Variants in RIN2 observed in about 807,000 individuals in gnomAD.
The protein encoded by RIN2 is Ras and Rab interactor 2.
In RIN2, 36 loss-of-function variants were observed where a neutral mutation model predicts 78.0. That is an observed-to-expected ratio of 0.46 (90% CI 0.35 to 0.61). RIN2 has a LOEUF of 0.61. Ranked by LOEUF, RIN2 falls within the 20% of genes least tolerant of loss-of-function variation. The pLI is 0.00. For missense variants in RIN2, 1,087 were observed against 1,159.7 expected (o/e 0.94, Z 0.91); for synonymous variants, 466 against 466.8 (o/e 1.00, Z 0.02).
At chr20:19,856,207 C>T (rs546582075) in intron 2 of RIN2, among the ~76,000 whole-genome samples, 57 of 152,018 alleles carry the variant, frequency 3.7e-4, no homozygotes, top group African/African-American at 1.2e-3. Context: ...CCTTGTAATG[C>T]GCATGGGAAA....
At chr20:19,868,523 C>A (rs570269379) in intron 2 of RIN2, among the ~76,000 whole-genome samples, 1 of 152,142 alleles carries the variant, frequency 6.6e-6, no homozygotes, top group Non-Finnish European at 1.5e-5. Flanking sequence ...CCAGGAAACA[C>A]GTGAAATGAG....
chr20:19,988,551 C>T (rs1425026615), intron 9 of RIN2, among the ~76,000 whole-genome samples: 3 of 152,110 alleles, frequency 2.0e-5, no homozygotes, highest in African/African-American at 4.8e-5. Context: ...AATGTGCAAA[C>T]GTGTGAGGTC....
At chr20:19,918,174 G>C (rs2039761108) in intron 3 of RIN2, among the ~76,000 whole-genome samples, 1 of 152,130 alleles carries the variant, frequency 6.6e-6, no homozygotes, top group Non-Finnish European at 1.5e-5. Context: ...GGGACACCAA[G>C]TTAGAGCCAG....
At position 19,892,983 on chromosome 20, in the gene RIN2, C is replaced by A. The variant is rs193026584; in HGVS notation, c.57+3325C>A. Among the ~76,000 whole-genome samples, 5 of 152,264 alleles carry A rather than the reference C, an allele frequency of 3.3e-5. No individual in the cohort carries two copies. The East Asian group carries it at 9.6e-4, about 29-fold the overall frequency. ...TGTACGTGGCCAGGGAGAGAAAAAG[C>A]AGAAGCCACCCCTAACCTCATGGAG... On this transcript the variant is annotated intron_variant, in intron 3 of 12. Transcript: ENST00000255006.
intron 2 of RIN2, among the ~76,000 whole-genome samples, chr20:19,807,213 T>G (rs960899904): frequency 6.6e-6 from 1 of 152,236 alleles, no homozygotes; most frequent in Non-Finnish European, 1.5e-5. Flanking sequence ...CCAAAGCAAG[T>G]CACATGGCCA....
In RIN2 at chr20:19,916,008, G is replaced by A. The variant is rs186726931; in HGVS notation, c.58-19091G>A. 5.4e-4 allele frequency among the ~76,000 whole-genome samples: 82 copies of A among 152,230 alleles called. No individual in the cohort carries two copies. The East Asian group carries it at 0.015, about 29-fold the overall frequency. ...TGTAATCCCAGCACTTTGGGAGGCCGAGGCGAGTGGATCACGAGGTCAAGA... is the reference window on the plus strand; with the variant it reads ...TGTAATCCCAGCACTTTGGGAGGCCAAGGCGAGTGGATCACGAGGTCAAGA... On this transcript the variant is annotated intron_variant, in intron 3 of 12. Coordinates refer to ENST00000255006, the MANE Select transcript of RIN2 (RefSeq NM_018993.4).
chr20:19,904,469 C>G (rs1207430281), intron 3 of RIN2, among the ~76,000 whole-genome samples: 3 of 151,916 alleles, frequency 2.0e-5, no homozygotes, highest in Non-Finnish European at 4.4e-5. Context: ...AGGGGCAGGG[C>G]TACTCACATT....
intron 2 of RIN2, among the ~76,000 whole-genome samples, chr20:19,858,928 G>A (rs1045119099): frequency 1.7e-4 from 26 of 152,318 alleles, no homozygotes; most frequent in Non-Finnish European, 2.9e-4. Context: ...GGGAGAAGGC[G>A]GGACTGCTGC....
chr20:19,833,291 A>G (rs1161980361), intron 2 of RIN2, among the ~76,000 whole-genome samples: 1 of 152,072 alleles, frequency 6.6e-6, no homozygotes, highest in African/African-American at 2.4e-5. Flanking sequence ...GGTTATATAT[A>G]TATATTTTAA....
intron 3 of RIN2, among the ~76,000 whole-genome samples, chr20:19,909,016 C>T (rs979694020): frequency 6.6e-6 from 1 of 152,280 alleles, no homozygotes; most frequent in Admixed American, 6.5e-5. Flanking sequence ...AGACGCCCAC[C>T]GCCACTCCCA....
chr20:19,780,683 G>A (rs1337696104), intron 1 of RIN2, among the ~76,000 whole-genome samples: 1 of 152,212 alleles, frequency 6.6e-6, no homozygotes, highest in African/African-American at 2.4e-5. Flanking sequence ...GAGCTAGGTG[G>A]CCTCTGTTGC....
chr20:19,847,076 A>G (rs1298747160), intron 2 of RIN2, among the ~76,000 whole-genome samples: 1 of 152,226 alleles, frequency 6.6e-6, no homozygotes, highest in Non-Finnish European at 1.5e-5. Context: ...TATTGGGCAG[A>G]CCAAAATTAA....
chr20:19,940,100 C>T (rs900602101), intron 4 of RIN2, among the ~76,000 whole-genome samples: 2 of 152,130 alleles, frequency 1.3e-5, no homozygotes, highest in African/African-American at 4.8e-5. Flanking sequence ...AATCCGCCCG[C>T]CTTGACCTCC....
At chr20:19,776,639 G>A (rs2034320657) in intron 1 of RIN2, among the ~76,000 whole-genome samples, 1 of 151,884 alleles carries the variant, frequency 6.6e-6, no homozygotes, top group Admixed American at 6.6e-5. Context: ...GGCTGAGGTG[G>A]AAGAATTGCT....
intron 3 of RIN2, among the ~76,000 whole-genome samples, chr20:19,919,149 A>T (rs918413087): frequency 7.2e-5 from 11 of 152,226 alleles, no homozygotes; most frequent in Admixed American, 2.0e-4. Flanking sequence ...CAGCTGGGGG[A>T]TGACAGATGC....
At chr20:19,810,384 G>A (rs2035550711) in intron 2 of RIN2, among the ~76,000 whole-genome samples, 1 of 152,114 alleles carries the variant, frequency 6.6e-6, no homozygotes. Flanking sequence ...CTCCACCCTG[G>A]GTGACAGAGT....
chr20:19,812,740 T>G lies in RIN2; in HGVS notation c.-37+12993T>G, dbSNP rs541407430. Among the ~76,000 whole-genome samples the G allele has an allele frequency of 6.6e-4, 101 of 152,300 alleles. 2 individuals are homozygous for G. Among genetic ancestry groups the G allele is most frequent in the African/African-American group, 2.4e-3 (99 of 41,570 alleles). Reference sequence around the variant, plus strand: ...AGCGTGGGCATCCTCACTGAAAGAATCAAAAGGAAGAGCAAGATCAGACTT... The same window carrying G: ...AGCGTGGGCATCCTCACTGAAAGAAGCAAAAGGAAGAGCAAGATCAGACTT... On this transcript the variant is annotated intron_variant, in intron 2 of 12. Transcript: ENST00000255006.
At chr20:19,970,721 G>C in intron 7 of RIN2, 117 bp from the exon 8 acceptor site, 1 of 781,632 alleles carries the variant, frequency 1.3e-6, no homozygotes, top group Middle Eastern at 2.5e-4. Flanking sequence ...ATATGGTATG[G>C]TGTCTACTTA....
chr20:19,950,466 G>A (rs1267163238), intron 4 of RIN2, among the ~76,000 whole-genome samples: 2 of 152,166 alleles, frequency 1.3e-5, no homozygotes, highest in African/African-American at 2.4e-5. Context: ...TGGAAAAGTT[G>A]CAAAGATAGC....
Sources: allele counts gnomAD v4.1 joint callset (sites outside exome capture counted in the v4.1 genomes callset), GRCh38; gene constraint gnomAD v4.1.1; transcripts MANE v1.5; gene names NCBI Gene and HGNC (gene_info 2026-07-23, HGNC 2026-07-21).